LDAF1: variants seen among roughly 807,000 people sequenced by gnomAD.
LDAF1 encodes the protein PROMETHIN.
LDAF1 carries 7 observed loss-of-function variants against 13.5 expected under a neutral mutation model. The ratio of observed to expected loss-of-function variants is 0.52; its 90% CI spans 0.29 to 0.97. LDAF1 has a LOEUF of 0.97. Ranked by LOEUF, LDAF1 falls within the 50% of genes least tolerant of loss-of-function variation. The pLI, the probability that LDAF1 is intolerant of heterozygous loss-of-function variation, is 0.07. For synonymous variants in LDAF1, 69 were observed against 77.1 expected (o/e 0.89, Z 0.55); for missense variants, 148 against 193.2 (o/e 0.77, Z 1.39).
chr16:21,178,159 C>A, intron 4 of LDAF1: 1 of 957,620 alleles, frequency 1.0e-6, no homozygotes, highest in Non-Finnish European at 1.2e-6. Flanking sequence ...ATACACTGAC[C>A]TGCCTCCTAT....
chr16:21,161,151 T>A lies in LDAF1; in HGVS notation c.-32T>A. 6.2e-7 allele frequency: 1 copy of A among 1,609,920 alleles called. No individual in the cohort carries two copies. Among genetic ancestry groups the A allele is most frequent in the Non-Finnish European group, 8.5e-7 (1 of 1,178,830 alleles). ...CTGGAGAATTTACTGGTAGGATAAT[T>A]CATCCCTAAAGAGATTGAAGTGAGC... is the stretch of plus-strand genomic sequence containing the variant. On this transcript the variant is annotated 5_prime_UTR_variant, in exon 2 of 5. Transcript: ENST00000233047.
intron 1 of LDAF1, chr16:21,159,342 C>A: frequency 6.2e-7 from 1 of 1,614,116 alleles, no homozygotes; most frequent in Non-Finnish European, 8.5e-7. Context: ...TCACTCCCTT[C>A]CTCCTCTCCT....
chr16:21,175,113 A>T (rs1421103590), intron 4 of LDAF1, among the ~76,000 whole-genome samples: 5 of 152,128 alleles, frequency 3.3e-5, no homozygotes, highest in African/African-American at 1.2e-4. Flanking sequence ...CACCTAAGGG[A>T]TTTTCAAAGG....
Position 21,179,981 on chromosome 16 carries a change from TCCAAAACAGAACAAGC to T in LDAF1, c.*428_*443del. 6.4e-6 allele frequency: 1 copy of T among 156,550 alleles called. No individual in the cohort carries two copies. Among genetic ancestry groups the T allele is most frequent in the South Asian group, 1.9e-4 (1 of 5,280 alleles). The allele number at this position is 156,550 out of a possible 1,614,324, so 9.7% of individuals were successfully genotyped here. A position where few individuals can be genotyped will look rare whatever the true frequency, so the allele number is the denominator to read the frequency against. On this transcript the variant is annotated 3_prime_UTR_variant, in exon 5 of 5. Transcript: ENST00000233047. The stretch of plus-strand genomic sequence containing the variant: ...ATGTGAAACAAAATGAAAAAAAAAA[TCCAAAACAGAACAAGC>T]CCTTCTGTGGTATTTGCTTTTTATC...
At position 21,178,138 on chromosome 16, in the gene LDAF1, A is replaced by C. The variant is rs528901735; in HGVS notation, c.405-1337A>C. ...TACATATGAAACCCAACTAAACAAT[A>C]TTTAGATCAAATACACTGACCTGCC... On this transcript the variant is annotated intron_variant, in intron 4 of 4. Transcript: ENST00000233047. The C allele has an allele frequency of 1.3e-4, 114 of 880,926 alleles. No individual in the cohort carries two copies. In the African/African-American group the frequency reaches 2.0e-3, roughly 16 times the overall value. 54.6% of individuals were successfully genotyped at this position (880,926 alleles called of 1,614,324 possible).
intron 4 of LDAF1, among the ~76,000 whole-genome samples, chr16:21,174,438 C>T (rs2093121499): frequency 6.6e-6 from 1 of 152,144 alleles, no homozygotes; most frequent in Non-Finnish European, 1.5e-5. Flanking sequence ...CTCAAGCAAT[C>T]CTCCTGCCTC....
At chr16:21,174,654 C>T (rs1043147795) in intron 4 of LDAF1, among the ~76,000 whole-genome samples, 1 of 152,228 alleles carries the variant, frequency 6.6e-6, no homozygotes, top group African/African-American at 2.4e-5. Context: ...TTAAACAAAG[C>T]AATTGCTGTC....
intron 2 of LDAF1, among the ~76,000 whole-genome samples, chr16:21,167,696 G>GGTTTTTTTTTTTTTTT (rs1555584379): frequency 3.4e-5 from 3 of 89,092 alleles, no homozygotes; most frequent in African/African-American, 1.3e-4. Context: ...CCTTAGGTTT[G>GGTTTTTTTTTTTTTTT]TTTTTTTTTT....
At chr16:21,176,860 A>G (rs2093142852) in intron 4 of LDAF1, among the ~76,000 whole-genome samples, 2 of 151,250 alleles carry the variant, frequency 1.3e-5, no homozygotes, top group African/African-American at 4.9e-5. Context: ...TGATTGTACC[A>G]CTGCACTCCA....
At chr16:21,172,475 A>G (rs1597556907) in intron 3 of LDAF1, among the ~76,000 whole-genome samples, 1 of 152,050 alleles carries the variant, frequency 6.6e-6, no homozygotes, top group East Asian at 1.9e-4. Flanking sequence ...GAAAAAAGAA[A>G]GAAAGAAAGA....
intron 2 of LDAF1, chr16:21,166,869 C>T: frequency 6.5e-7 from 1 of 1,535,738 alleles, no homozygotes; most frequent in Non-Finnish European, 8.7e-7. Flanking sequence ...TCTCACTGGA[C>T]TCTGATGATG....
chr16:21,163,516 G>A (rs903990808), intron 2 of LDAF1, among the ~76,000 whole-genome samples: 6 of 152,146 alleles, frequency 3.9e-5, no homozygotes, highest in Non-Finnish European at 4.4e-5. Context: ...GTGGTGGTGT[G>A]CGCCTGTAAT....
At chr16:21,171,498 T>C (rs561816343) in intron 3 of LDAF1, among the ~76,000 whole-genome samples, 3 of 152,138 alleles carry the variant, frequency 2.0e-5, no homozygotes, top group East Asian at 1.9e-4. Flanking sequence ...TGTTGATAGA[T>C]AGATGGGTGA....
chr16:21,168,748 T>A (rs1177060420), intron 2 of LDAF1, among the ~76,000 whole-genome samples: 20 of 133,638 alleles, frequency 1.5e-4, no homozygotes, highest in African/African-American at 5.1e-4. Flanking sequence ...ATTTTTATTT[T>A]ATATATTATA....
intron 3 of LDAF1, among the ~76,000 whole-genome samples, chr16:21,172,468 A>AG (rs1555455876): frequency 1.1e-4 from 16 of 152,146 alleles, no homozygotes; most frequent in African/African-American, 3.6e-4. Context: ...AAGAAAAGAA[A>AG]AAAGAAAGAA....
At chr16:21,178,169 T>C in intron 4 of LDAF1, 1 of 979,524 alleles carries the variant, frequency 1.0e-6, no homozygotes, top group Non-Finnish European at 1.2e-6. Context: ...CTGCCTCCTA[T>C]GTAGATCAGC....
At chr16:21,159,946 T>G (rs1034361850) in intron 1 of LDAF1, 1 of 985,136 alleles carries the variant, frequency 1.0e-6, no homozygotes, top group Non-Finnish European at 1.2e-6. Context: ...AGAGAGAATG[T>G]GGGGTGGTGG....
intron 4 of LDAF1, chr16:21,178,750 C>T (rs1273828620): frequency 6.6e-6 from 1 of 152,326 alleles, no homozygotes; most frequent in Non-Finnish European, 1.5e-5. Context: ...ACTTCATTGA[C>T]TAGAACTTTG....
At chr16:21,169,254 T>C (rs969738228) in intron 2 of LDAF1, 2 of 718,000 alleles carry the variant, frequency 2.8e-6, no homozygotes, top group African/African-American at 3.8e-5. Context: ...ACCTGGGGAA[T>C]CTTGTTTAAA....
Sources: allele counts gnomAD v4.1 joint callset (sites outside exome capture counted in the v4.1 genomes callset), GRCh38; gene constraint gnomAD v4.1.1; transcripts MANE v1.5; gene names NCBI Gene and HGNC (gene_info 2026-07-23, HGNC 2026-07-21).